TXNDC11: variants seen among roughly 807,000 people sequenced by gnomAD.
The protein encoded by TXNDC11 is thioredoxin domain-containing protein 11.
A neutral mutation model predicts 78.0 loss-of-function variants in TXNDC11; 68 were observed. The observed-to-expected ratio is 0.87, with a 90% confidence interval of 0.72 to 1.07. TXNDC11 has a LOEUF of 1.07. Ranked by LOEUF, TXNDC11 falls within the 50% of genes least tolerant of loss-of-function variation. The pLI is 0.00. For missense variants in TXNDC11, 1,389 were observed against 1,221.8 expected, an observed-to-expected ratio of 1.14 and a Z score of -2.04; for synonymous variants, 571 against 495.2, an observed-to-expected ratio of 1.15 and a Z score of -2.03.
chr16:11,739,705 A>G (rs2141131320), intron 1 of TXNDC11, among the ~76,000 whole-genome samples: 1 of 152,302 alleles, frequency 6.6e-6, no homozygotes, highest in Admixed American at 6.5e-5. Context: ...AATCAAGGTA[A>G]AAGAAAGGTG....
At chr16:11,713,418 T>A (rs2051427829) in intron 5 of TXNDC11, among the ~76,000 whole-genome samples, 1 of 152,154 alleles carries the variant, frequency 6.6e-6, no homozygotes, top group Non-Finnish European at 1.5e-5. Context: ...GTATGGAATT[T>A]TTTTTCCTTT....
intron 7 of TXNDC11, among the ~76,000 whole-genome samples, chr16:11,694,988 T>C (rs2050821382): frequency 1.3e-5 from 2 of 152,246 alleles, no homozygotes; most frequent in Admixed American, 1.3e-4. Context: ...AGCCTGAACA[T>C]GCTAACCACG....
At chr16:11,686,865 C>T (rs77127706) in intron 10 of TXNDC11, among the ~76,000 whole-genome samples, 1 of 152,310 alleles carries the variant, frequency 6.6e-6, no homozygotes, top group East Asian at 1.9e-4. Context: ...CAGCTTGAAA[C>T]TCTGGGCAAC....
chr16:11,703,003 A>G (rs1044803338), intron 5 of TXNDC11, among the ~76,000 whole-genome samples: 1 of 152,208 alleles, frequency 6.6e-6, no homozygotes. Flanking sequence ...ACGGGAAGGC[A>G]GGGCTGAGGA....
chr16:11,704,574 T>TG (rs2051125138), intron 5 of TXNDC11, among the ~76,000 whole-genome samples: 1 of 152,212 alleles, frequency 6.6e-6, no homozygotes, highest in South Asian at 2.1e-4. Context: ...TGACATCATA[T>TG]GAACCCCCTG....
intron 5 of TXNDC11, among the ~76,000 whole-genome samples, chr16:11,702,268 T>C (rs1355850137): frequency 6.6e-6 from 1 of 152,168 alleles, no homozygotes; most frequent in East Asian, 1.9e-4. Context: ...ATTTGTGTGA[T>C]TATAAAGTAT....
intron 5 of TXNDC11, among the ~76,000 whole-genome samples, chr16:11,721,107 G>C (rs2051691939): frequency 6.6e-6 from 1 of 151,856 alleles, no homozygotes; most frequent in African/African-American, 2.4e-5. Flanking sequence ...AGTATTTCCT[G>C]TTTGCTAATG....
At chr16:11,686,619 C>G (rs2050573786) in intron 10 of TXNDC11, among the ~76,000 whole-genome samples, 1 of 152,248 alleles carries the variant, frequency 6.6e-6, no homozygotes, top group South Asian at 2.1e-4. Context: ...ACACAAGATT[C>G]TGTCACTTAA....
chr16:11,685,022 G>GT (rs1159785979), intron 10 of TXNDC11, among the ~76,000 whole-genome samples: 1 of 152,214 alleles, frequency 6.6e-6, no homozygotes, highest in African/African-American at 2.4e-5. Context: ...TGAGGGTGCG[G>GT]TAAGTGTCAT....
chr16:11,734,223 G>A, intron 2 of TXNDC11, 144 bp from the exon 3 acceptor site: 1 of 662,584 alleles, frequency 1.5e-6, no homozygotes, highest in Non-Finnish European at 2.6e-6. Context: ...GTTTTCAAAG[G>A]TCATAATTTA....
chr16:11,704,971 G>A (rs1309398779), intron 5 of TXNDC11, among the ~76,000 whole-genome samples: 7 of 151,382 alleles, frequency 4.6e-5, no homozygotes, highest in Non-Finnish European at 1.0e-4. Context: ...GTACAGTGGT[G>A]CATCTCGGCT....
intron 4 of TXNDC11, among the ~76,000 whole-genome samples, chr16:11,723,928 T>A (rs532367987): frequency 5.3e-5 from 8 of 152,324 alleles, no homozygotes; most frequent in East Asian, 1.9e-4. Context: ...TGCCTGCAGA[T>A]AGAAGAGTTT....
intron 4 of TXNDC11, among the ~76,000 whole-genome samples, chr16:11,724,052 C>T (rs1027989111): frequency 6.6e-6 from 1 of 152,076 alleles, no homozygotes; most frequent in Admixed American, 6.6e-5. Context: ...GCCTGTAATC[C>T]CCTCAGATCA....
At chr16:11,717,800 G>A (rs189470769) in intron 5 of TXNDC11, among the ~76,000 whole-genome samples, 91 of 151,392 alleles carry the variant, frequency 6.0e-4, no homozygotes, top group African/African-American at 2.1e-3. Context: ...CAGCCTGAAC[G>A]ACAGAGAGAG....
chr16:11,686,431 T>C (rs2050569269), intron 10 of TXNDC11, among the ~76,000 whole-genome samples: 1 of 152,242 alleles, frequency 6.6e-6, no homozygotes, highest in Admixed American at 6.5e-5. Flanking sequence ...GATGAGCTCA[T>C]GCTTCTTCGG....
At chr16:11,700,426 C>A (rs1447012351) in intron 6 of TXNDC11, 26 bp downstream of exon 6, 2 of 1,181,430 alleles carry the variant, frequency 1.7e-6, no homozygotes, top group Non-Finnish European at 2.5e-6. Context: ...ACTGCGCTAA[C>A]ATAAACGTGA....
At chr16:11,736,271 ATCT>A (rs1230163279) in intron 1 of TXNDC11, 38 bp from the exon 2 acceptor site, 3 of 1,466,910 alleles carry the variant, frequency 2.0e-6, no homozygotes, top group South Asian at 1.2e-5. Context: ...TGCTTAGTTT[ATCT>A]TCTTCTAAAA....
chr16:11,679,490 G>A lies in TXNDC11; in HGVS notation c.2582C>T (p.Ala861Val), dbSNP rs371147199. 25 of 1,613,350 alleles carry A rather than the reference G, an allele frequency of 1.5e-5. No homozygotes were observed. The highest frequency in any genetic ancestry group is 2.0e-5 in the Non-Finnish European group (24 of 1,180,028). The change falls in exon 12 of 12, where the codon GCC (alanine) becomes GTC (valine). Residue 861 changes from alanine to valine, a missense_variant. Physicochemically the swap from Ala to Val is moderately conservative, Grantham distance 64. Transcript: ENST00000283033. This position sits in a 1 kb window ranked among gnomAD's most constrained non-coding sequence, Gnocchi z 4.6. ...CTCACGTGTCTTCTGCTCATAGAGGGCCTGCAGCTGCTCACTGTGTGCGTG... is the reference window on the plus strand; with the variant it reads ...CTCACGTGTCTTCTGCTCATAGAGGACCTGCAGCTGCTCACTGTGTGCGTG... ...LLHAHSEQLQ[A>V]LYEQKTRELQ...
intron 5 of TXNDC11, among the ~76,000 whole-genome samples, chr16:11,720,748 T>G (rs150076702): frequency 0.01 from 1,539 of 151,370 alleles, 30 homozygotes; most frequent in African/African-American, 0.034. Flanking sequence ...TGGTTTTTTT[T>G]TTTGAGACAG....
Sources: allele counts gnomAD v4.1 joint callset (sites outside exome capture counted in the v4.1 genomes callset), GRCh38; gene constraint gnomAD v4.1.1; non-coding constraint Gnocchi (gnomAD v3.1); transcripts MANE v1.5; gene names NCBI Gene and HGNC (gene_info 2026-07-23, HGNC 2026-07-21).